AGBL4: variants seen among roughly 807,000 people sequenced by gnomAD.
The protein encoded by AGBL4 is AGBL carboxypeptidase 4.
In AGBL4, 58 loss-of-function variants were observed where a neutral mutation model predicts 66.4. The ratio of observed to expected loss-of-function variants is 0.87; its 90% confidence interval spans 0.71 to 1.09. The LOEUF is 1.09. Ranked by LOEUF, AGBL4 falls within the 50% of genes least tolerant of loss-of-function variation. The probability of loss-of-function intolerance (pLI) is 0.00; values close to 1 mark genes in which losing one functional copy is unlikely to be tolerated. For synonymous variants in AGBL4, 234 were observed against 222.9 expected (o/e 1.05, Z -0.44); for missense variants, 579 against 631.0 (o/e 0.92, Z 0.88).
intron 2 of AGBL4, among the ~76,000 whole-genome samples, chr1:49,810,983 T>G (rs1429185585): frequency 6.6e-6 from 1 of 152,050 alleles, no homozygotes; most frequent in Non-Finnish European, 1.5e-5. Flanking sequence ...ATATAGGCAA[T>G]TAAACCAGCA....
intron 3 of AGBL4, among the ~76,000 whole-genome samples, chr1:49,544,690 C>T (rs1652338698): frequency 6.6e-6 from 1 of 152,192 alleles, no homozygotes; most frequent in African/African-American, 2.4e-5. Flanking sequence ...CACATCTGAT[C>T]CCCATTTTAC....
chr1:49,959,010 C>A (rs1207433482), intron 1 of AGBL4, among the ~76,000 whole-genome samples: 3 of 148,294 alleles, frequency 2.0e-5, no homozygotes, highest in African/African-American at 7.4e-5. Flanking sequence ...AAAAGCAGCC[C>A]AAGATAAAAA....
At chr1:49,623,489 T>C (rs1043721661) in intron 3 of AGBL4, among the ~76,000 whole-genome samples, 1 of 152,176 alleles carries the variant, frequency 6.6e-6, no homozygotes, top group Non-Finnish European at 1.5e-5. Flanking sequence ...ACTACCCTTT[T>C]ATCTGTTTGC....
chr1:49,876,945 T>C (rs1462825343), intron 1 of AGBL4, among the ~76,000 whole-genome samples: 2 of 151,780 alleles, frequency 1.3e-5, no homozygotes, highest in African/African-American at 4.9e-5. Flanking sequence ...TCACTCATTA[T>C]TTGGCTCTCT....
At chr1:48,685,244 C>G (rs1646514120) in intron 6 of AGBL4, among the ~76,000 whole-genome samples, 1 of 152,236 alleles carries the variant, frequency 6.6e-6, no homozygotes, top group Non-Finnish European at 1.5e-5. Flanking sequence ...GTATTGGAAA[C>G]TAACTTTTTA....
At position 49,722,070 on chromosome 1, in the gene AGBL4, C is replaced by T. The variant is rs148205089; in HGVS notation, c.158-24633G>A. Among the ~76,000 whole-genome samples, 528 of 152,182 alleles carry T rather than the reference C, an allele frequency of 3.5e-3. 1 individual carries two copies. Among genetic ancestry groups the T allele is most frequent in the Non-Finnish European group, 5.5e-3 (376 of 67,994 alleles). ...CAAATGAAATTTAAGCTTTAAGGTT[C>T]CTCAGTTACAAGGGCCCTTGTGAGG... On this transcript the variant is annotated intron_variant, in intron 2 of 13. Transcript: ENST00000371839.
At chr1:49,125,080 A>G (rs1645738478) in intron 4 of AGBL4, among the ~76,000 whole-genome samples, 1 of 152,194 alleles carries the variant, frequency 6.6e-6, no homozygotes, top group East Asian at 1.9e-4. Flanking sequence ...AAATAGATCT[A>G]TAAAACTCAA....
chr1:48,655,206 G>A (rs1646000724), intron 7 of AGBL4, among the ~76,000 whole-genome samples: 2 of 152,244 alleles, frequency 1.3e-5, no homozygotes, highest in Admixed American at 6.5e-5. Context: ...TAGGGTGGGT[G>A]TGGGGCAAGG....
intron 4 of AGBL4, among the ~76,000 whole-genome samples, chr1:49,200,121 G>C (rs1647569867): frequency 6.6e-6 from 1 of 152,122 alleles, no homozygotes; most frequent in African/African-American, 2.4e-5. Flanking sequence ...GGCAGGCAGG[G>C]TGCCTCCTGC....
At chr1:49,809,039 A>C (rs1379575899) in intron 2 of AGBL4, among the ~76,000 whole-genome samples, 2 of 152,214 alleles carry the variant, frequency 1.3e-5, no homozygotes, top group Admixed American at 6.5e-5. Context: ...GAAGAAAATC[A>C]ATCAGTGTAA....
At chr1:48,717,254 T>C (rs114139159) in intron 6 of AGBL4, among the ~76,000 whole-genome samples, 1 of 152,244 alleles carries the variant, frequency 6.6e-6, no homozygotes, top group African/African-American at 2.4e-5. Flanking sequence ...CCACTCCTGA[T>C]AAGGACTATG....
chr1:49,580,454 T>A (rs1434195687), intron 3 of AGBL4, among the ~76,000 whole-genome samples: 1 of 152,184 alleles, frequency 6.6e-6, no homozygotes, highest in Admixed American at 6.5e-5. Flanking sequence ...GCAATTTGAT[T>A]CCTTTCTCTT....
intron 5 of AGBL4, among the ~76,000 whole-genome samples, chr1:48,937,217 C>T (rs1655551895): frequency 6.6e-6 from 1 of 152,140 alleles, no homozygotes; most frequent in African/African-American, 2.4e-5. Flanking sequence ...ATATTAACCT[C>T]AGAGAAGTAA....
At chr1:49,536,683 T>C (rs1651612391) in intron 3 of AGBL4, among the ~76,000 whole-genome samples, 2 of 152,152 alleles carry the variant, frequency 1.3e-5, no homozygotes, top group Non-Finnish European at 2.9e-5. Context: ...CAAAATAGCA[T>C]GGTATTGGTA....
intron 2 of AGBL4, among the ~76,000 whole-genome samples, chr1:49,821,894 T>C (rs887199605): frequency 2.0e-4 from 30 of 152,206 alleles, no homozygotes; most frequent in African/African-American, 7.0e-4. Context: ...TTACAAGTTA[T>C]CAATTCTTTT....
intron 11 of AGBL4, among the ~76,000 whole-genome samples, chr1:48,540,899 C>T (rs1473342970): frequency 1.3e-5 from 2 of 152,216 alleles, no homozygotes; most frequent in African/African-American, 4.8e-5. Context: ...CATTTTCTAC[C>T]GTGCAGCCAG....
chr1:48,991,737 CTT>C (rs1375257617), intron 5 of AGBL4, among the ~76,000 whole-genome samples: 2 of 151,950 alleles, frequency 1.3e-5, no homozygotes, highest in Non-Finnish European at 2.9e-5. Flanking sequence ...CTCACTAATT[CTT>C]TCTTCTGCTT....
intron 3 of AGBL4, among the ~76,000 whole-genome samples, chr1:49,484,057 T>G (rs1261540691): frequency 2.0e-5 from 3 of 152,040 alleles, no homozygotes; most frequent in Non-Finnish European, 2.9e-5. Context: ...AGATATCATA[T>G]TATTACATTT....
intron 2 of AGBL4, among the ~76,000 whole-genome samples, chr1:49,735,071 C>T (rs1367540303): frequency 1.3e-5 from 2 of 152,000 alleles, no homozygotes; most frequent in Non-Finnish European, 2.9e-5. Context: ...AGATGCAAGA[C>T]AATAACAATT....
Sources: gnomAD v4.1 joint callset for allele counts (sites outside exome capture counted in the v4.1 genomes callset) on GRCh38, gnomAD v4.1.1 for gene constraint, MANE v1.5 for transcripts, NCBI Gene and HGNC (gene_info 2026-07-23, HGNC 2026-07-21) for gene names.